Variants in TRAPPC9 observed in about 807,000 individuals in gnomAD.
TRAPPC9 encodes the protein trafficking protein particle complex subunit 9.
Under a neutral mutation model 124.0 loss-of-function variants are expected in TRAPPC9, and 83 were observed. That is an observed-to-expected ratio of 0.67 (90% confidence interval 0.56 to 0.80). TRAPPC9 has a LOEUF of 0.80. TRAPPC9 is among the 30% of genes least tolerant of loss of function. The pLI, the probability that TRAPPC9 is intolerant of heterozygous loss-of-function variation, is 0.00. For missense variants in TRAPPC9, 1,302 were observed against 1,508.3 expected, an observed-to-expected ratio of 0.86 and a Z score of 2.27; for synonymous variants, 638 against 617.5, an observed-to-expected ratio of 1.03 and a Z score of -0.49.
chr8:140,213,170 T>C (rs997724990), intron 17 of TRAPPC9, among the ~76,000 whole-genome samples: 2 of 152,142 alleles, frequency 1.3e-5, no homozygotes, highest in African/African-American at 2.4e-5. Flanking sequence ...TTCAATTTTC[T>C]TTCTGAGCCC....
intron 18 of TRAPPC9, among the ~76,000 whole-genome samples, chr8:139,997,463 TATCCCACACAGGGGAGACAATGC>T (rs1563676447): frequency 1.1e-5 from 1 of 90,120 alleles, no homozygotes; most frequent in Non-Finnish European, 2.3e-5. Context: ...GGAGACAATA[TATCCCACACAGGGGAGACAATGC>T]ATTCCACACA....
chr8:139,844,629 G>A (rs1473774796), intron 21 of TRAPPC9, among the ~76,000 whole-genome samples: 2 of 152,230 alleles, frequency 1.3e-5, no homozygotes, highest in Admixed American at 6.5e-5. Context: ...AGAAAAGGTG[G>A]AAGAGAGGCA....
At chr8:140,239,564 C>A (rs539015749) in intron 16 of TRAPPC9, among the ~76,000 whole-genome samples, 1 of 152,106 alleles carries the variant, frequency 6.6e-6, no homozygotes, top group African/African-American at 2.4e-5. Context: ...TCCCTTTGCT[C>A]GGGACTCACT....
intron 9 of TRAPPC9, among the ~76,000 whole-genome samples, chr8:140,336,185 G>C (rs2067034850): frequency 6.6e-6 from 1 of 151,894 alleles, no homozygotes; most frequent in South Asian, 2.1e-4. Flanking sequence ...AAGCATACTT[G>C]TGTGTCACGT....
At chr8:140,092,844 CAG>C (rs2130207365) in intron 17 of TRAPPC9, among the ~76,000 whole-genome samples, 1 of 152,304 alleles carries the variant, frequency 6.6e-6, no homozygotes, top group Non-Finnish European at 1.5e-5. Context: ...GAATGGAACT[CAG>C]ATTCAGAAAG....
rs1840481242 is a variant in TRAPPC9 at position 140,031,313 on chromosome 8, C to G, written c.2557-7234G>C. Among the ~76,000 whole-genome samples the G allele has an allele frequency of 2.6e-5, 4 of 152,168 alleles. No homozygotes were observed. The South Asian group carries it at 8.3e-4, about 31-fold the overall frequency. On this transcript the variant is annotated intron_variant, in intron 17 of 22. Coordinates refer to ENST00000438773, the MANE Select transcript of TRAPPC9 (RefSeq NM_001160372.4). ...CTCACCTTAAAACCTGAGGGTCATG[C>G]CAGATGTTGCCTGAGGTTTTGACCA...
intron 21 of TRAPPC9, among the ~76,000 whole-genome samples, chr8:139,768,660 TTCA>T (rs1820739606): frequency 6.6e-6 from 1 of 152,266 alleles, no homozygotes; most frequent in African/African-American, 2.4e-5. Flanking sequence ...TTCATTTTAA[TTCA>T]TCAACAGGGG....
chr8:139,811,559 C>T (rs1253064843), intron 21 of TRAPPC9, among the ~76,000 whole-genome samples: 2 of 152,232 alleles, frequency 1.3e-5, no homozygotes, highest in Admixed American at 6.5e-5. Flanking sequence ...ATATCAAAGG[C>T]TTCCCAAGAG....
chr8:139,882,888 T>C (rs1829765329), intron 21 of TRAPPC9, among the ~76,000 whole-genome samples: 1 of 152,220 alleles, frequency 6.6e-6, no homozygotes, highest in South Asian at 2.1e-4. Context: ...AGTCCAGGGC[T>C]ACCTGATCCT....
chr8:140,421,609 C>T lies in TRAPPC9; in HGVS notation c.886+5006G>A, dbSNP rs576434894. Among the ~76,000 whole-genome samples, 17 of 152,288 alleles carry T rather than the reference C, an allele frequency of 1.1e-4. No individual in the cohort carries two copies. In the South Asian group the frequency reaches 1.9e-3, roughly 17 times the overall value. On this transcript the variant is annotated intron_variant, in intron 5 of 22. Coordinates refer to ENST00000438773, the MANE Select transcript of TRAPPC9 (RefSeq NM_001160372.4). ...TACACAGTGACTGAAGACCGCCATA[C>T]TCTAGCTAATCCGCTGGACAATGAG...
intron 9 of TRAPPC9, among the ~76,000 whole-genome samples, chr8:140,344,622 G>A (rs1002766037): frequency 6.6e-5 from 10 of 152,232 alleles, no homozygotes; most frequent in Admixed American, 5.9e-4. Flanking sequence ...AAGACCCAGG[G>A]GGAAGCTGTT....
At position 139,801,135 on chromosome 8, in the gene TRAPPC9, A is replaced by G. The variant is rs182406643; in HGVS notation, c.3056-68933T>C. Among the ~76,000 whole-genome samples, 293 of 150,140 alleles carry G rather than the reference A, an allele frequency of 2.0e-3. 1 individual carries two copies. The highest frequency in any genetic ancestry group is 6.9e-3 in the African/African-American group (282 of 40,792). On this transcript the variant is annotated intron_variant, in intron 21 of 22. Coordinates refer to ENST00000438773, the MANE Select transcript of TRAPPC9 (RefSeq NM_001160372.4). ...CCCTCCCTCCTGTATCTTCCCTCCC[A>G]CCAGCAGCTGTCCGTTGATAGGATG...
intron 17 of TRAPPC9, among the ~76,000 whole-genome samples, chr8:140,058,620 C>T (rs1419379929): frequency 6.6e-6 from 1 of 152,122 alleles, no homozygotes; most frequent in African/African-American, 2.4e-5. Flanking sequence ...AGCATCCTGA[C>T]GGAAACCTGC....
At chr8:140,085,269 C>T (rs1474367222) in intron 17 of TRAPPC9, among the ~76,000 whole-genome samples, 2 of 151,710 alleles carry the variant, frequency 1.3e-5, no homozygotes, top group African/African-American at 2.4e-5. Context: ...CAGGACTACA[C>T]CACTTGCCCT....
At position 140,347,163 on chromosome 8, in the gene TRAPPC9, G is replaced by T. The variant is rs189766725; in HGVS notation, c.1495+12887C>A. On this transcript the variant is annotated intron_variant, in intron 9 of 22. Transcript: ENST00000438773. ...CCACCATTAGAGCGGGAGGCTGGGA[G>T]GTGGTGAGAAGCTGACATGGGCTCC... 2.3e-3 allele frequency among the ~76,000 whole-genome samples: 358 copies of T among 152,356 alleles called. 3 individuals are homozygous for T. The highest frequency in any genetic ancestry group is 4.2e-3 in the Admixed American group (64 of 15,312).
At position 139,988,838 on chromosome 8, in the gene TRAPPC9, T is replaced by A. The variant is rs1042063281; in HGVS notation, c.2700-2A>T. 2.6e-6 allele frequency: 4 copies of A among 1,543,668 alleles called. No individual in the cohort carries two copies. Among genetic ancestry groups the A allele is most frequent in the Non-Finnish European group, 3.5e-6 (4 of 1,140,216 alleles). The stretch of plus-strand genomic sequence containing the variant: ...AGGAGCAGGTGACACTGCCGGGTAC[T>A]GCGTTAAAGAAAAAAGAAAGTTCAG... On this transcript the variant is annotated splice_acceptor_variant, in intron 18 of 22. Transcript: ENST00000438773. LOFTEE classifies it high-confidence loss of function.
In TRAPPC9 at chr8:139,825,643, T is replaced by G. The variant is rs186731226; in HGVS notation, c.3055+60236A>C. On this transcript the variant is annotated intron_variant, in intron 21 of 22. Coordinates refer to ENST00000438773, the MANE Select transcript of TRAPPC9 (RefSeq NM_001160372.4). The surrounding 1 kb of genome is among the most constrained non-coding windows in gnomAD (Gnocchi z 4.6). ...AAAAGTCACTTCCACCCGGGGGAAATTTCATGGCTCTGGTTTGTTTGCTTT... is the reference window on the plus strand; with the variant it reads ...AAAAGTCACTTCCACCCGGGGGAAAGTTCATGGCTCTGGTTTGTTTGCTTT... Among the ~76,000 whole-genome samples, 29 of 152,168 alleles carry G rather than the reference T, an allele frequency of 1.9e-4. No homozygotes were observed. Among genetic ancestry groups the G allele is most frequent in the Admixed American group, 1.7e-3 (26 of 15,286 alleles).
chr8:139,931,270 C>G (rs1833127555), intron 19 of TRAPPC9: 1 of 152,258 alleles, frequency 6.6e-6, no homozygotes, highest in Admixed American at 6.5e-5. Flanking sequence ...GTAATCCTCA[C>G]CGCAACCATA....
Position 140,108,570 on chromosome 8 carries a change from C to T in TRAPPC9, c.2557-84491G>A, listed in dbSNP as rs557888291. On this transcript the variant is annotated intron_variant, in intron 17 of 22. Coordinates refer to ENST00000438773, the MANE Select transcript of TRAPPC9 (RefSeq NM_001160372.4). ...CGACATCTACGCCTACCCTCACAGG[C>T]CTCCCAGGTGTGTATGACCAGGAAG... Among the ~76,000 whole-genome samples, 3 of 152,352 alleles carry T rather than the reference C, an allele frequency of 2.0e-5. No individual in the cohort carries two copies. In the South Asian group the frequency reaches 6.2e-4, roughly 32 times the overall value.
Sources: gnomAD v4.1 joint callset for allele counts (sites outside exome capture counted in the v4.1 genomes callset) on GRCh38, gnomAD v4.1.1 for gene constraint, Gnocchi (gnomAD v3.1) non-coding constraint, MANE v1.5 for transcripts, NCBI Gene and HGNC (gene_info 2026-07-23, HGNC 2026-07-21) for gene names.